Variants in RALGPS1 observed in about 807,000 individuals in gnomAD.
RALGPS1 encodes the protein Ral GEF with PH domain and SH3 binding motif 1.
A neutral mutation model predicts 78.8 loss-of-function variants in RALGPS1; 19 were observed. The ratio of observed to expected loss-of-function variants is 0.24; its 90% CI spans 0.17 to 0.35. The LOEUF (loss-of-function observed/expected upper bound fraction) is 0.35. Ranked by LOEUF, RALGPS1 falls within the 10% of genes least tolerant of loss-of-function variation. The pLI is 1.00. For synonymous variants in RALGPS1, 228 were observed against 256.3 expected (o/e 0.89, Z 1.06); for missense variants, 454 against 688.3 (o/e 0.66, Z 3.81).
chr9:127,212,957 C>G lies in RALGPS1; in HGVS notation c.1460C>G (p.Pro487Arg), dbSNP rs776401253. ...GTDRKHYKST[P>R]GKKVSIVGWM... Reference sequence around the variant, plus strand: ...GCTCTCCTCCAGTATAAATCCACACCTGGCAAAAAGGTTTCCATCGTGGGC... The same window carrying G: ...GCTCTCCTCCAGTATAAATCCACACGTGGCAAAAAGGTTTCCATCGTGGGC... Residue 487 changes from proline (P) to arginine (R), a missense_variant, in exon 17 of 19, where the codon CCT (proline) becomes CGT (arginine). Pro to Arg is a moderately radical substitution (Grantham distance 103). Transcript: ENST00000259351. This position sits in a 1 kb window ranked among gnomAD's most constrained non-coding sequence, Gnocchi z 6.0. The G allele has an allele frequency of 3.1e-6, 5 of 1,614,190 alleles. No individual in the cohort carries two copies. In the South Asian group the frequency reaches 3.3e-5, roughly 11 times the overall value.
intron 11 of RALGPS1, among the ~76,000 whole-genome samples, chr9:127,191,690 GT>G (rs898476778): frequency 9.9e-5 from 11 of 111,588 alleles, no homozygotes; most frequent in Non-Finnish European, 1.4e-4. Flanking sequence ...TGTTTTTTGG[GT>G]TTTTTTTTGT....
chr9:126,965,538 T>C (rs548673111), intron 2 of RALGPS1, among the ~76,000 whole-genome samples: 1 of 152,254 alleles, frequency 6.6e-6, no homozygotes, highest in African/African-American at 2.4e-5. Context: ...CAAAAGTAAG[T>C]TTACTTTCTG....
intron 1 of RALGPS1, among the ~76,000 whole-genome samples, chr9:126,936,849 CTT>C (rs35671235): frequency 0.18 from 25,162 of 142,328 alleles, 2,724 homozygotes; most frequent in East Asian, 0.43. Context: ...GGAACGGCAC[CTT>C]TTTTTTTTTT....
intron 1 of RALGPS1, among the ~76,000 whole-genome samples, chr9:126,931,582 C>T (rs1169357988): frequency 6.6e-6 from 1 of 152,096 alleles, no homozygotes; most frequent in Non-Finnish European, 1.5e-5. Context: ...CAAAGAGACA[C>T]AGAACGTAGA....
At chr9:127,185,671 G>A (rs114145727) in intron 11 of RALGPS1, among the ~76,000 whole-genome samples, 289 of 152,324 alleles carry the variant, frequency 1.9e-3, no homozygotes, top group African/African-American at 6.4e-3. Flanking sequence ...TACTACTGGT[G>A]TAGTTGTTGC....
Position 127,220,666 on chromosome 9 carries a change from G to T in RALGPS1, c.*1897G>T, listed in dbSNP as rs997847682. 1.3e-5 allele frequency: 2 copies of T among 152,202 alleles called. No individual in the cohort carries two copies. The highest frequency in any genetic ancestry group is 4.8e-5 in the African/African-American group (2 of 41,454). 9.4% of individuals were successfully genotyped at this position (152,202 alleles called of 1,614,324 possible). ...CTCCACCTCTGATCAGAACCATGCAGTGTTAACACTTTAACCTACATTGAA... is the reference window on the plus strand; with the variant it reads ...CTCCACCTCTGATCAGAACCATGCATTGTTAACACTTTAACCTACATTGAA... On this transcript the variant is annotated 3_prime_UTR_variant, in exon 19 of 19. Transcript: ENST00000259351.
intron 1 of RALGPS1, among the ~76,000 whole-genome samples, chr9:126,946,843 T>C (rs1443443331): frequency 2.6e-5 from 4 of 152,184 alleles, no homozygotes; most frequent in African/African-American, 9.7e-5. Context: ...ATTTGCCTCC[T>C]TTCCCTATGG....
chr9:126,949,301 G>C (rs1312643511), intron 1 of RALGPS1, among the ~76,000 whole-genome samples: 1 of 152,220 alleles, frequency 6.6e-6, no homozygotes, highest in Non-Finnish European at 1.5e-5. Context: ...ATAGCAGCAT[G>C]ATTTATAGTC....
intron 8 of RALGPS1, among the ~76,000 whole-genome samples, chr9:127,074,218 T>C (rs1192909642): frequency 6.6e-6 from 1 of 152,244 alleles, no homozygotes; most frequent in Admixed American, 6.5e-5. Context: ...GATTTAGTCA[T>C]GATTCTTGCA....
chr9:127,153,052 G>T (rs1041642093), intron 8 of RALGPS1, among the ~76,000 whole-genome samples: 1 of 152,174 alleles, frequency 6.6e-6, no homozygotes, highest in Non-Finnish European at 1.5e-5. Flanking sequence ...TCAGGTTTTC[G>T]TAGTTTTCTT....
intron 9 of RALGPS1, 149 bp from the exon 10 acceptor site, chr9:127,168,530 C>T: frequency 1.5e-6 from 1 of 646,156 alleles, no homozygotes. Context: ...CAGCACAGGG[C>T]CAGTCCCCAA....
chr9:127,145,424 G>T (rs1040157733), intron 8 of RALGPS1, among the ~76,000 whole-genome samples: 5 of 152,196 alleles, frequency 3.3e-5, no homozygotes, highest in Non-Finnish European at 7.3e-5. Context: ...AGGTATCCTG[G>T]TTGGGCTGTC....
chr9:127,136,685 C>G (rs1254463134), intron 8 of RALGPS1, among the ~76,000 whole-genome samples: 1 of 152,122 alleles, frequency 6.6e-6, no homozygotes, highest in Non-Finnish European at 1.5e-5. Context: ...CACTTGCAAG[C>G]TCTCCCCACC....
At chr9:126,999,023 T>TA (rs2043036216) in intron 4 of RALGPS1, among the ~76,000 whole-genome samples, 1 of 93,920 alleles carries the variant, frequency 1.1e-5, no homozygotes, top group Non-Finnish European at 2.0e-5. Context: ...TGTTGTTGGG[T>TA]GGGGGAGGGG....
intron 5 of RALGPS1, among the ~76,000 whole-genome samples, chr9:127,049,091 G>T (rs1178948956): frequency 6.6e-6 from 1 of 152,186 alleles, no homozygotes; most frequent in African/African-American, 2.4e-5. Flanking sequence ...AGGGGTTTTA[G>T]ATGCCTTGCC....
chr9:127,003,965 C>A (rs1221179074), intron 4 of RALGPS1, among the ~76,000 whole-genome samples: 1 of 152,200 alleles, frequency 6.6e-6, no homozygotes, highest in Non-Finnish European at 1.5e-5. Context: ...TATCCTCTTT[C>A]TGGCATCTTG....
intron 11 of RALGPS1, among the ~76,000 whole-genome samples, chr9:127,188,082 G>C (rs1409514388): frequency 4.3e-5 from 3 of 69,776 alleles, no homozygotes; most frequent in Admixed American, 1.8e-4. Flanking sequence ...TTTTTTTTTA[G>C]ACGGAGTCTC....
chr9:127,199,832 C>T (rs1008076604), intron 14 of RALGPS1, among the ~76,000 whole-genome samples: 3 of 152,190 alleles, frequency 2.0e-5, no homozygotes, highest in Non-Finnish European at 4.4e-5. Context: ...AGGCGGGAAA[C>T]ATCCAGTGAC....
At chr9:127,038,476 A>G (rs1165475265) in intron 5 of RALGPS1, among the ~76,000 whole-genome samples, 3 of 152,188 alleles carry the variant, frequency 2.0e-5, no homozygotes, top group African/African-American at 7.2e-5. Context: ...GGGCTGGGAG[A>G]CAATGTTAGC....
Sources: gnomAD v4.1 joint callset for allele counts (sites outside exome capture counted in the v4.1 genomes callset) on GRCh38, gnomAD v4.1.1 for gene constraint, Gnocchi (gnomAD v3.1) non-coding constraint, MANE v1.5 for transcripts, NCBI Gene and HGNC (gene_info 2026-07-23, HGNC 2026-07-21) for gene names.